ANTXR2: variants seen among roughly 807,000 people sequenced by gnomAD.
ANTXR2 encodes the protein ANTXR cell adhesion molecule 2.
Under a neutral mutation model 73.7 loss-of-function variants are expected in ANTXR2, and 44 were observed. The ratio of observed to expected loss-of-function variants is 0.60; its 90% CI spans 0.47 to 0.77. ANTXR2 has a LOEUF of 0.77. ANTXR2 is among the 30% of genes least tolerant of loss of function. The pLI is 0.00. For synonymous variants in ANTXR2, 217 were observed against 205.9 expected, an observed-to-expected ratio of 1.05 and a Z score of -0.46; for missense variants, 604 against 592.5, an observed-to-expected ratio of 1.02 and a Z score of -0.20.
In ANTXR2 at chr4:80,008,537, G is replaced by A. The variant is rs772695319; in HGVS notation, c.1025C>T (p.Pro342Leu). 2.5e-6 allele frequency: 4 copies of A among 1,607,318 alleles called. No homozygotes were observed. The highest frequency in any genetic ancestry group is 1.3e-5 in the African/African-American group (1 of 74,354). Residue 342 changes from proline (P) to leucine (L), a missense_variant, in exon 12 of 17, where the codon CCC becomes CTC. Pro to Leu is a moderately conservative substitution (Grantham distance 98, BLOSUM62 -3). Coordinates refer to ENST00000403729, the MANE Select transcript of ANTXR2 (RefSeq NM_058172.6). ...CTTACTCACCACTTTGCAGCAAAGG[G>A]GCCAAAACCACCACATCAAACCGAT... ...LGIGLMWWFW[P>L]LCCKVVIKDP... is the part of the protein sequence containing the mutation.
At chr4:80,023,081 A>G (rs1286075111) in intron 10 of ANTXR2, among the ~76,000 whole-genome samples, 1 of 152,248 alleles carries the variant, frequency 6.6e-6, no homozygotes, top group Non-Finnish European at 1.5e-5. Context: ...ATCCAAGCTA[A>G]GAAGAAATGT....
At chr4:79,919,912 TATATATATAA>T (rs1196322799) in intron 16 of ANTXR2, among the ~76,000 whole-genome samples, 224 of 18,770 alleles carry the variant, frequency 0.012, 7 homozygotes, top group African/African-American at 0.021. Flanking sequence ...TATATATATA[TATATATATAA>T]AAAATGATAG....
intron 1 of ANTXR2, 32 bp downstream of exon 1, chr4:80,072,377 C>T: frequency 6.4e-7 from 1 of 1,556,526 alleles, no homozygotes; most frequent in Non-Finnish European, 8.7e-7. Context: ...CCGCCCTCAC[C>T]AGGAGACCCT....
At chr4:80,032,713 G>A (rs1428567889) in intron 9 of ANTXR2, among the ~76,000 whole-genome samples, 1 of 151,654 alleles carries the variant, frequency 6.6e-6, no homozygotes, top group Non-Finnish European at 1.5e-5. Context: ...ATTTTGAAGG[G>A]CAAATAATAA....
chr4:79,966,236 A>G (rs1729359788), intron 16 of ANTXR2, among the ~76,000 whole-genome samples: 1 of 152,158 alleles, frequency 6.6e-6, no homozygotes, highest in African/African-American at 2.4e-5. Context: ...ACAGCCAGAG[A>G]AGTAGAGGAT....
At chr4:80,072,228 G>T (rs6818557) in intron 1 of ANTXR2, among the ~76,000 whole-genome samples, 181 bp downstream of exon 1, 1 of 151,954 alleles carries the variant, frequency 6.6e-6, no homozygotes, top group African/African-American at 2.4e-5. Flanking sequence ...CCCCCGACCC[G>T]GCTGATCTCC....
In ANTXR2 at chr4:79,906,330, G is replaced by A. The variant is rs939743640; in HGVS notation, c.*1099C>T. ...CCAAGTAATGCGCATACAGTAATAG[G>A]TCATTCAATGTCAAAAGGCATAAAA... On this transcript the variant is annotated 3_prime_UTR_variant, in exon 17 of 17. Coordinates refer to ENST00000403729, the MANE Select transcript of ANTXR2 (RefSeq NM_058172.6). 6.6e-5 allele frequency: 10 copies of A among 152,420 alleles called. No individual in the cohort carries two copies. The highest frequency in any genetic ancestry group is 1.0e-4 in the Non-Finnish European group (7 of 68,004). 9.4% of individuals were successfully genotyped at this position (152,420 alleles called of 1,614,324 possible). A position where few individuals can be genotyped will look rare whatever the true frequency, so the allele number is the denominator to read the frequency against.
chr4:79,945,841 T>C (rs887299152), intron 16 of ANTXR2, among the ~76,000 whole-genome samples: 2 of 152,246 alleles, frequency 1.3e-5, no homozygotes, highest in South Asian at 2.1e-4. Context: ...CAAATAAATA[T>C]ATGCCCCAGA....
intron 10 of ANTXR2, among the ~76,000 whole-genome samples, chr4:80,028,500 C>T (rs1732540836): frequency 6.6e-6 from 1 of 152,086 alleles, no homozygotes; most frequent in Non-Finnish European, 1.5e-5. Flanking sequence ...AGATGAGGCA[C>T]ATGCCCATGG....
At chr4:79,977,195 G>A (rs1430316514) in intron 16 of ANTXR2, among the ~76,000 whole-genome samples, 3 of 152,216 alleles carry the variant, frequency 2.0e-5, no homozygotes, top group African/African-American at 7.2e-5. Flanking sequence ...TACATCAACT[G>A]TTGAAGGCAG....
chr4:79,912,217 GA>G (rs1481042167), intron 16 of ANTXR2, among the ~76,000 whole-genome samples: 1 of 151,754 alleles, frequency 6.6e-6, no homozygotes, highest in African/African-American at 2.4e-5. Flanking sequence ...ATGCTATAGC[GA>G]AATACATTTA....
In ANTXR2 at chr4:80,072,857, T is replaced by G; in HGVS notation, c.-297A>C. Reference sequence around the variant, plus strand: ...GATTCCGGAGAGTTCCTGCAGACAATGCGGGCCCACGGCGACAGCTCGCGA... The same window carrying G: ...GATTCCGGAGAGTTCCTGCAGACAAGGCGGGCCCACGGCGACAGCTCGCGA... On this transcript the variant is annotated 5_prime_UTR_variant, in exon 1 of 17. Transcript: ENST00000403729. 2.0e-6 allele frequency: 1 copy of G among 504,582 alleles called. No individual in the cohort carries two copies. The highest frequency in any genetic ancestry group is 4.8e-5 in the East Asian group (1 of 20,900). 31.3% of individuals were successfully genotyped at this position (504,582 alleles called of 1,614,324 possible). A position where few individuals can be genotyped will look rare whatever the true frequency, so the allele number is the denominator to read the frequency against.
intron 10 of ANTXR2, among the ~76,000 whole-genome samples, chr4:80,029,823 G>T (rs1418436770): frequency 6.6e-6 from 1 of 151,676 alleles, no homozygotes; most frequent in East Asian, 2.0e-4. Context: ...GAGTGTGCAG[G>T]TGTGGTCAAG....
At chr4:79,957,939 G>A (rs1300134807) in intron 16 of ANTXR2, among the ~76,000 whole-genome samples, 1 of 152,006 alleles carries the variant, frequency 6.6e-6, no homozygotes, top group African/African-American at 2.4e-5. Flanking sequence ...AGTGATTAGG[G>A]CTGCAATAGT....
chr4:80,030,567 G>A (rs1464653533), intron 10 of ANTXR2, among the ~76,000 whole-genome samples: 1 of 152,034 alleles, frequency 6.6e-6, no homozygotes, highest in East Asian at 1.9e-4. Context: ...TCTTAGTTTT[G>A]TAAGCCATCT....
At chr4:80,066,810 C>A (rs1171648230) in intron 3 of ANTXR2, among the ~76,000 whole-genome samples, 1 of 152,142 alleles carries the variant, frequency 6.6e-6, no homozygotes, top group African/African-American at 2.4e-5. Flanking sequence ...TTATCCTTGA[C>A]CATTTGGCTA....
chr4:80,058,924 A>T (rs1734123402), intron 3 of ANTXR2, among the ~76,000 whole-genome samples: 1 of 152,030 alleles, frequency 6.6e-6, no homozygotes, highest in Non-Finnish European at 1.5e-5. Context: ...GTCCCCTATA[A>T]CATTTCAAAG....
At chr4:79,954,558 C>A (rs1277188287) in intron 16 of ANTXR2, among the ~76,000 whole-genome samples, 2 of 152,010 alleles carry the variant, frequency 1.3e-5, no homozygotes, top group African/African-American at 2.4e-5. Flanking sequence ...TGCAATGAGC[C>A]TTGTGCAATG....
Position 80,054,330 on chromosome 4 carries a change from T to C in ANTXR2, c.578A>G (p.Lys193Arg). ...QAQLERIADS[K>R]EQVFPVKGGF... is the part of the protein sequence containing the mutation. ...ACCTTTGACAGGGAAAACTTGCTCC[T>C]TGGAATCAGCAATTCTTTCAAGCTT... The change falls in exon 7 of 17, where the codon AAG becomes AGG. Residue 193 changes from lysine (K) to arginine (R), a missense_variant. Physicochemically the swap from Lys to Arg is conservative, Grantham distance 26 (BLOSUM62 2). Transcript: ENST00000403729. 1 of 1,593,498 alleles carries C rather than the reference T, an allele frequency of 6.3e-7. No individual in the cohort carries two copies. Among genetic ancestry groups the C allele is most frequent in the Non-Finnish European group, 8.5e-7 (1 of 1,170,534 alleles).
Sources: gnomAD v4.1 joint callset for allele counts (sites outside exome capture counted in the v4.1 genomes callset) on GRCh38, gnomAD v4.1.1 for gene constraint, MANE v1.5 for transcripts, NCBI Gene and HGNC (gene_info 2026-07-23, HGNC 2026-07-21) for gene names.